The following CPPED1 variants were observed in gnomAD, a reference collection of about 807,000 sequenced individuals.
CPPED1 encodes serine/threonine-protein phosphatase CPPED1.
In CPPED1, 28 loss-of-function variants were observed where a neutral mutation model predicts 28.0. The ratio of observed to expected loss-of-function variants is 1.00; its 90% confidence interval spans 0.74 to 1.37. CPPED1 has a LOEUF of 1.37. Ranked by LOEUF, CPPED1 falls within the 40% of genes most tolerant of loss-of-function variation. The pLI is 0.00. For synonymous variants in CPPED1, 198 were observed against 180.2 expected (o/e 1.10, Z -0.79); for missense variants, 504 against 416.5 (o/e 1.21, Z -1.83).
intron 2 of CPPED1, among the ~76,000 whole-genome samples, chr16:12,764,489 C>T (rs1455809391): frequency 2.6e-5 from 4 of 152,126 alleles, no homozygotes; most frequent in Admixed American, 1.3e-4. Flanking sequence ...AGGCGTGAGC[C>T]ACCACACCTG....
Position 12,783,315 on chromosome 16 carries a change from T to G in CPPED1, c.71-1912A>C, listed in dbSNP as rs147734106. Among the ~76,000 whole-genome samples, 11 of 152,170 alleles carry G rather than the reference T, an allele frequency of 7.2e-5. No individual in the cohort carries two copies. The East Asian group carries it at 1.7e-3, about 24-fold the overall frequency. On this transcript the variant is annotated intron_variant, in intron 1 of 3. Coordinates refer to ENST00000381774, the MANE Select transcript of CPPED1 (RefSeq NM_018340.3). ...GAATTTGAGAACATCCTGGCCAACA[T>G]GGTGAAACCTCATCTCTACTAAAAA...
Position 12,660,805 on chromosome 16 carries a change from G to T in CPPED1, c.*4081C>A, listed in dbSNP as rs1480221943. On this transcript the variant is annotated 3_prime_UTR_variant, in exon 4 of 4. Coordinates refer to ENST00000381774, the MANE Select transcript of CPPED1 (RefSeq NM_018340.3). The stretch of plus-strand genomic sequence containing the variant: ...ACAAAACCATTTTAGGTACCACTTG[G>T]GAATAAGTATTAAGAGTTCAAGTAA... 6.6e-6 allele frequency: 1 copy of T among 152,110 alleles called. No individual in the cohort carries two copies. Among genetic ancestry groups the T allele is most frequent in the Non-Finnish European group, 1.5e-5 (1 of 68,034 alleles). The allele number at this position is 152,110 out of a possible 1,614,324, so 9.4% of individuals were successfully genotyped here.
intron 2 of CPPED1, among the ~76,000 whole-genome samples, chr16:12,776,403 A>C (rs1434430954): frequency 6.6e-6 from 1 of 152,184 alleles, no homozygotes; most frequent in Non-Finnish European, 1.5e-5. Context: ...CTTTGGAATA[A>C]TACTGATATG....
chr16:12,780,668 C>T (rs2080524880), intron 2 of CPPED1, among the ~76,000 whole-genome samples: 1 of 151,176 alleles, frequency 6.6e-6, no homozygotes, highest in East Asian at 1.9e-4. Context: ...CCCCCTAGAT[C>T]CAGCTGTACC....
intron 2 of CPPED1, chr16:12,759,429 C>G (rs1014107966): frequency 2.0e-5 from 3 of 152,258 alleles, no homozygotes; most frequent in African/African-American, 7.2e-5. Context: ...AGTCTGAGTA[C>G]TAGGGCCTGG....
At chr16:12,677,176 G>C (rs1170830957) in intron 3 of CPPED1, among the ~76,000 whole-genome samples, 1 of 152,216 alleles carries the variant, frequency 6.6e-6, no homozygotes, top group African/African-American at 2.4e-5. Flanking sequence ...CCAACATCAA[G>C]AAACTCCTGC....
chr16:12,683,900 T>C (rs534919068), intron 3 of CPPED1, among the ~76,000 whole-genome samples: 27 of 152,312 alleles, frequency 1.8e-4, no homozygotes, highest in African/African-American at 6.3e-4. Context: ...TCAATAAGGA[T>C]CCAGCCTCCT....
chr16:12,703,789 C>G (rs934796118), intron 3 of CPPED1, among the ~76,000 whole-genome samples: 2 of 151,880 alleles, frequency 1.3e-5, no homozygotes, highest in Non-Finnish European at 2.9e-5. Context: ...ACTGGTAACC[C>G]AGGGAATCTG....
At chr16:12,732,475 A>AACACACAC (rs199927875) in intron 2 of CPPED1, among the ~76,000 whole-genome samples, 10 of 142,346 alleles carry the variant, frequency 7.0e-5, no homozygotes, top group Admixed American at 3.6e-4. Context: ...CAAACACACA[A>AACACACAC]ACACACACAC....
chr16:12,783,492 C>A (rs1567305739), intron 1 of CPPED1, among the ~76,000 whole-genome samples: 1 of 151,124 alleles, frequency 6.6e-6, no homozygotes, highest in Non-Finnish European at 1.5e-5. Flanking sequence ...GATTCTGTCT[C>A]AAAACTAAAT....
intron 2 of CPPED1, among the ~76,000 whole-genome samples, chr16:12,724,224 C>A (rs2080157345): frequency 6.6e-6 from 1 of 152,142 alleles, no homozygotes; most frequent in South Asian, 2.1e-4. Context: ...GCTAAGACGT[C>A]CCCGAACTCA....
chr16:12,719,799 G>GTGGCACA (rs2080128788), intron 2 of CPPED1, among the ~76,000 whole-genome samples: 1 of 151,998 alleles, frequency 6.6e-6, no homozygotes, highest in Non-Finnish European at 1.5e-5. Flanking sequence ...GCCGGGCGTG[G>GTGGCACA]TGGCACAGTC....
At chr16:12,769,469 G>C (rs554806409) in intron 2 of CPPED1, among the ~76,000 whole-genome samples, 5 of 152,138 alleles carry the variant, frequency 3.3e-5, no homozygotes, top group Non-Finnish European at 5.9e-5. Flanking sequence ...TGTCTCCTCT[G>C]CCGGACTGCC....
chr16:12,778,277 C>CTTTTTTTTTTTTTTTTTT (rs371883790), intron 2 of CPPED1, among the ~76,000 whole-genome samples: 1 of 116,162 alleles, frequency 8.6e-6, no homozygotes, highest in Non-Finnish European at 1.7e-5. Flanking sequence ...TTCTTTCTTT[C>CTTTTTTTTTTTTTTTTTT]TTTTTTTTTT....
intron 2 of CPPED1, 83 bp downstream of exon 2, chr16:12,781,102 A>G: frequency 7.7e-7 from 1 of 1,299,730 alleles, no homozygotes; most frequent in Non-Finnish European, 1.1e-6. Flanking sequence ...ATGCCTTCGA[A>G]GCAAAATCTT....
At chr16:12,773,067 A>G (rs1450188255) in intron 2 of CPPED1, among the ~76,000 whole-genome samples, 5 of 152,190 alleles carry the variant, frequency 3.3e-5, no homozygotes, top group Non-Finnish European at 7.4e-5. Flanking sequence ...TAGTTTTCAG[A>G]GCTTTCTGAA....
chr16:12,781,120 C>T (rs1022487035), intron 2 of CPPED1, 65 bp downstream of exon 2: 20 of 1,454,178 alleles, frequency 1.4e-5, no homozygotes, highest in Non-Finnish European at 2.8e-6. Context: ...CTTTTTTTCT[C>T]CTGCCCAAAT....
chr16:12,769,246 AT>A (rs35849755), intron 2 of CPPED1, among the ~76,000 whole-genome samples: 32,768 of 152,108 alleles, frequency 0.22, 4,119 homozygotes, highest in East Asian at 0.3. Flanking sequence ...CAACACATGA[AT>A]TATTACTATA....
At chr16:12,689,302 T>C (rs936563588) in intron 3 of CPPED1, among the ~76,000 whole-genome samples, 2 of 147,758 alleles carry the variant, frequency 1.4e-5, no homozygotes, top group African/African-American at 5.0e-5. Context: ...TCTTGGCTCA[T>C]TGCAACCTCG....
Sources: allele counts gnomAD v4.1 joint callset (sites outside exome capture counted in the v4.1 genomes callset), GRCh38; gene constraint gnomAD v4.1.1; transcripts MANE v1.5; gene names NCBI Gene and HGNC (gene_info 2026-07-23, HGNC 2026-07-21).